Variants in DLG1 observed in about 807,000 individuals in gnomAD.
DLG1 encodes disks large homolog 1.
DLG1 carries 42 observed loss-of-function variants against 123.4 expected under a neutral mutation model. The observed-to-expected ratio is 0.34, with a 90% CI of 0.27 to 0.44. DLG1 has a LOEUF of 0.44. DLG1 is among the 20% of genes least tolerant of loss of function. The pLI is 1.00. For missense variants in DLG1, 942 were observed against 1,082.6 expected, an observed-to-expected ratio of 0.87 and a Z score of 1.82; for synonymous variants, 317 against 356.2, an observed-to-expected ratio of 0.89 and a Z score of 1.24.
At position 197,076,636 on chromosome 3, in the gene DLG1, G is replaced by A. The variant is rs1449491197; in HGVS notation, c.1955C>T (p.Pro652Leu). Reference sequence around the variant, plus strand: ...ACTCTGGTCCTTGTTCTTGTAGAAGGGGAATTTTCGGGAAAAGAGGTTCTT... The same window carrying A: ...ACTCTGGTCCTTGTTCTTGTAGAAGAGGAATTTTCGGGAAAAGAGGTTCTT... ...RKKNLFSRKF[P>L]FYKNKDQSEQ... Residue 652 changes from proline (P) to leucine (L), a missense_variant, in exon 18 of 25, where the codon CCC becomes CTC. By Grantham distance (98) the Pro-to-Leu change is moderately conservative (BLOSUM62 -3). Transcript: ENST00000667157. 1 of 1,612,986 alleles carries A rather than the reference G, an allele frequency of 6.2e-7. No homozygotes were observed. The highest frequency in any genetic ancestry group is 1.3e-5 in the African/African-American group (1 of 74,970).
At chr3:197,262,915 A>G (rs1320210656) in intron 4 of DLG1, among the ~76,000 whole-genome samples, 1 of 152,166 alleles carries the variant, frequency 6.6e-6, no homozygotes, top group East Asian at 1.9e-4. Flanking sequence ...CACATCCCTT[A>G]TCCCATGCAG....
intron 4 of DLG1, among the ~76,000 whole-genome samples, chr3:197,271,865 G>A (rs1178121456): frequency 6.6e-6 from 1 of 152,112 alleles, no homozygotes; most frequent in East Asian, 1.9e-4. Flanking sequence ...ACACATACAG[G>A]AAAAGCAAGC....
intron 5 of DLG1, among the ~76,000 whole-genome samples, chr3:197,161,257 C>A (rs923419074): frequency 1.7e-4 from 26 of 151,952 alleles, no homozygotes; most frequent in Middle Eastern, 3.4e-3. Context: ...TAACAGGAAA[C>A]AAAGTGTTAA....
intron 4 of DLG1, among the ~76,000 whole-genome samples, chr3:197,223,940 CTT>C (rs759427169): frequency 2.6e-5 from 4 of 152,176 alleles, no homozygotes; most frequent in African/African-American, 7.2e-5. Context: ...CTACACGTCT[CTT>C]GTCAGTACTA....
intron 24 of DLG1, among the ~76,000 whole-genome samples, chr3:197,047,457 T>A (rs2148661583): frequency 6.6e-6 from 1 of 152,346 alleles, no homozygotes; most frequent in East Asian, 1.9e-4. Flanking sequence ...CCCTTACTGA[T>A]ACTCAGTGTG....
At chr3:197,202,335 G>C (rs777177932) in intron 4 of DLG1, among the ~76,000 whole-genome samples, 15 of 151,904 alleles carry the variant, frequency 9.9e-5, no homozygotes, top group Non-Finnish European at 5.9e-5. Context: ...GAAAACACAA[G>C]AAACGACGCT....
chr3:197,214,101 T>A (rs1483031590), intron 4 of DLG1, among the ~76,000 whole-genome samples: 1 of 152,066 alleles, frequency 6.6e-6, no homozygotes, highest in Non-Finnish European at 1.5e-5. Context: ...ATATTTTAAA[T>A]CAGTAGGGGA....
At chr3:197,110,080 C>T (rs1166330200) in intron 13 of DLG1, among the ~76,000 whole-genome samples, 1 of 152,128 alleles carries the variant, frequency 6.6e-6, no homozygotes, top group African/African-American at 2.4e-5. Context: ...ATTCTTTCTT[C>T]TTTTTTCTCT....
chr3:197,114,712 G>C (rs1176074437), intron 13 of DLG1, among the ~76,000 whole-genome samples: 1 of 152,152 alleles, frequency 6.6e-6, no homozygotes, highest in Non-Finnish European at 1.5e-5. Context: ...GCCAGGTGCA[G>C]TGGCTCACGC....
chr3:197,283,567 GA>G (rs1770378428), intron 3 of DLG1, among the ~76,000 whole-genome samples: 2 of 152,248 alleles, frequency 1.3e-5, no homozygotes, highest in South Asian at 4.1e-4. Context: ...CAATCAGCTA[GA>G]ATTATAAAAA....
chr3:197,136,583 G>A lies in DLG1; in HGVS notation c.979C>T (p.His327Tyr). 6.2e-7 allele frequency: 1 copy of A among 1,613,222 alleles called. No homozygotes were observed. The highest frequency in any genetic ancestry group is 8.5e-7 in the Non-Finnish European group (1 of 1,179,552). The change falls in exon 10 of 25, where the codon CAT becomes TAT. Residue 327 changes from histidine (H) to tyrosine (Y), a missense_variant. Transcript: ENST00000667157. ...CCAATCTGAAGTTTGCCATCCTTAT[G>A]TGCTGCACCTCCTTCAATTATTTTG... Reference protein sequence around the residue: ...VTKIIEGGAAHKDGKLQIGDK... With the variant: ...VTKIIEGGAAYKDGKLQIGDK...
chr3:197,112,961 T>A (rs892219149), intron 13 of DLG1, among the ~76,000 whole-genome samples: 1 of 152,158 alleles, frequency 6.6e-6, no homozygotes, highest in African/African-American at 2.4e-5. Flanking sequence ...AAGGAACTGT[T>A]ACCTACTCTA....
intron 1 of DLG1, chr3:197,297,759 A>G (rs1778222069): frequency 2.0e-6 from 2 of 986,034 alleles, no homozygotes; most frequent in Non-Finnish European, 2.4e-6. Flanking sequence ...CGCGCCCCGC[A>G]TGCACACCTC....
At chr3:197,225,645 T>C (rs1179704195) in intron 4 of DLG1, among the ~76,000 whole-genome samples, 1 of 152,190 alleles carries the variant, frequency 6.6e-6, no homozygotes, top group Admixed American at 6.5e-5. Context: ...AAAATGACAT[T>C]TTACATGCAG....
In DLG1 at chr3:197,044,635, T is replaced by G. The variant is rs746662289; in HGVS notation, c.2670A>C (p.Lys890Asn). Residue 890 changes from lysine (K) to asparagine (N), a missense_variant, in exon 25 of 25, where the codon AAA becomes AAC. Lys to Asn is a moderately conservative substitution (Grantham distance 94). Transcript: ENST00000667157. Reference protein sequence around the residue: ...QSGSYIWVPAKEKL With the variant: ...QSGSYIWVPANEKL ...GAAACATGAGTTTTCATAGCTTTTC[T>G]TTTGCCGGAACCCAGATGTAAGAAC... 11 of 1,604,492 alleles carry G rather than the reference T, an allele frequency of 6.9e-6. No individual in the cohort carries two copies. In the East Asian group the frequency reaches 2.2e-4, roughly 33 times the overall value.
intron 18 of DLG1, among the ~76,000 whole-genome samples, chr3:197,073,500 C>T (rs910254514): frequency 2.0e-5 from 3 of 152,184 alleles, no homozygotes; most frequent in African/African-American, 4.8e-5. Context: ...AGCATGAAAG[C>T]GGCACGGGTT....
chr3:197,283,148 T>C (rs1770197144), intron 3 of DLG1, among the ~76,000 whole-genome samples: 1 of 152,230 alleles, frequency 6.6e-6, no homozygotes, highest in South Asian at 2.1e-4. Flanking sequence ...TCTGGTAACT[T>C]GCCTCTTAGC....
intron 15 of DLG1, 61 bp downstream of exon 15, chr3:197,090,851 C>T: frequency 9.8e-7 from 1 of 1,023,140 alleles, no homozygotes; most frequent in Admixed American, 2.1e-5. Flanking sequence ...GTGAAAAATA[C>T]AAAATAATTT....
chr3:197,161,148 C>T (rs1798608344), intron 5 of DLG1, among the ~76,000 whole-genome samples: 1 of 152,112 alleles, frequency 6.6e-6, no homozygotes, highest in African/African-American at 2.4e-5. Flanking sequence ...TTCCCATATA[C>T]TCCCAGATAT....
Sources: allele counts gnomAD v4.1 joint callset (sites outside exome capture counted in the v4.1 genomes callset), GRCh38; gene constraint gnomAD v4.1.1; transcripts MANE v1.5; gene names NCBI Gene and HGNC (gene_info 2026-07-23, HGNC 2026-07-21).